Variants in GPHN observed in about 807,000 individuals in gnomAD.
GPHN encodes the protein gephyrin.
GPHN carries 17 observed loss-of-function variants against 95.5 expected under a neutral mutation model. The ratio of observed to expected loss-of-function variants is 0.18; its 90% CI spans 0.12 to 0.27. The LOEUF is 0.27. GPHN is among the 10% of genes least tolerant of loss of function. The pLI is 1.00. For synonymous variants in GPHN, 320 were observed against 322.5 expected, an observed-to-expected ratio of 0.99 and a Z score of 0.08; for missense variants, 660 against 978.1, an observed-to-expected ratio of 0.67 and a Z score of 4.34.
At chr14:67,221,631 T>A in the GPHN span, 2 of 1,161,926 alleles carry the variant, frequency 1.7e-6, no homozygotes, top group South Asian at 3.2e-5. Context: ...TGTTCTATAA[T>A]CAGCAATGGC....
At chr14:66,643,648 A>C (rs940658289) in intron 1 of GPHN, among the ~76,000 whole-genome samples, 4 of 151,994 alleles carry the variant, frequency 2.6e-5, no homozygotes, top group African/African-American at 9.7e-5. Flanking sequence ...GGTATGATTC[A>C]TTTTTATAAA....
the GPHN span, among the ~76,000 whole-genome samples, chr14:67,313,973 A>C: frequency 6.6e-6 from 1 of 151,056 alleles, no homozygotes; most frequent in South Asian, 2.1e-4. Context: ...ACAAACAAAA[A>C]TTAAAAAAAA....
intron 1 of GPHN, among the ~76,000 whole-genome samples, chr14:66,523,998 T>C (rs1237086809): frequency 6.6e-6 from 1 of 152,116 alleles, no homozygotes; most frequent in Non-Finnish European, 1.5e-5. Context: ...ATTTGTAGTG[T>C]AGTAACTAAC....
At chr14:66,978,177 A>G (rs1009087120) in intron 9 of GPHN, among the ~76,000 whole-genome samples, 4 of 152,228 alleles carry the variant, frequency 2.6e-5, no homozygotes, top group African/African-American at 7.2e-5. Context: ...TTGCTGGTAG[A>G]GGGTCTTGCC....
chr14:67,619,726 G>A, the GPHN span: 2 of 424,184 alleles, frequency 4.7e-6, no homozygotes, highest in Non-Finnish European at 8.5e-6. Flanking sequence ...TCCCTGGCCG[G>A]AGAGCACAGG....
At chr14:67,255,172 T>C in the GPHN span, among the ~76,000 whole-genome samples, 6 of 151,772 alleles carry the variant, frequency 4.0e-5, no homozygotes, top group African/African-American at 1.5e-4. Context: ...AGTTCGAATC[T>C]CTTATAATGC....
chr14:67,336,395 G>T, the GPHN span: 1 of 184,648 alleles, frequency 5.4e-6, no homozygotes, highest in Non-Finnish European at 1.1e-5. Flanking sequence ...TTGTTTTCTT[G>T]ATTTCTTTTT....
chr14:66,990,008 G>A (rs2071295863), intron 9 of GPHN, among the ~76,000 whole-genome samples: 1 of 152,078 alleles, frequency 6.6e-6, no homozygotes, highest in Non-Finnish European at 1.5e-5. Context: ...CTGAGACTGG[G>A]TAATTTATAA....
intron 2 of GPHN, among the ~76,000 whole-genome samples, chr14:66,707,525 G>A (rs1465687917): frequency 6.6e-6 from 1 of 152,188 alleles, no homozygotes; most frequent in East Asian, 1.9e-4. Flanking sequence ...GGACATGGGT[G>A]AAGCTGGAAG....
chr14:67,562,976 C>A, the GPHN span: 2 of 1,411,818 alleles, frequency 1.4e-6, no homozygotes, highest in Non-Finnish European at 1.9e-6. Flanking sequence ...ATGCACTGAG[C>A]AGGAGAGGAG....
intron 1 of GPHN, among the ~76,000 whole-genome samples, chr14:66,676,647 G>A (rs992605818): frequency 2.0e-5 from 3 of 148,644 alleles, no homozygotes; most frequent in African/African-American, 7.5e-5. Context: ...GCATACCTGG[G>A]ATAAATTCCA....
chr14:67,608,549 C>T, the GPHN span, among the ~76,000 whole-genome samples: 6 of 152,138 alleles, frequency 3.9e-5, no homozygotes, highest in Non-Finnish European at 7.3e-5. Context: ...AGGAGGGAGG[C>T]TTAGGGCTTC....
chr14:66,765,702 A>T (rs1448300007), intron 2 of GPHN, among the ~76,000 whole-genome samples: 1 of 151,996 alleles, frequency 6.6e-6, no homozygotes, highest in Non-Finnish European at 1.5e-5. Flanking sequence ...TGTACACCAA[A>T]CTCCCATGAC....
chr14:66,639,950 T>C (rs2064304430), intron 1 of GPHN, among the ~76,000 whole-genome samples: 1 of 152,122 alleles, frequency 6.6e-6, no homozygotes, highest in African/African-American at 2.4e-5. Context: ...TGGGTATTCA[T>C]TGGAGATTAG....
At chr14:67,332,055 A>G in the GPHN span, among the ~76,000 whole-genome samples, 1 of 152,224 alleles carries the variant, frequency 6.6e-6, no homozygotes, top group East Asian at 1.9e-4. Context: ...CTATGGGTCC[A>G]ATATAGTATT....
At chr14:67,733,711 A>T in the GPHN span, 1 of 1,420,304 alleles carries the variant, frequency 7.0e-7, no homozygotes, top group Non-Finnish European at 1.0e-6. Context: ...GCTAATTCTC[A>T]TTCCTGGAAT....
At chr14:66,737,368 G>A (rs2072390053) in intron 2 of GPHN, among the ~76,000 whole-genome samples, 1 of 152,136 alleles carries the variant, frequency 6.6e-6, no homozygotes, top group African/African-American at 2.4e-5. Flanking sequence ...TTTTGGGGTG[G>A]TGTGGATTCA....
At chr14:67,404,479 C>T in the GPHN span, among the ~76,000 whole-genome samples, 2 of 151,886 alleles carry the variant, frequency 1.3e-5, no homozygotes, top group Admixed American at 6.6e-5. Context: ...AAACAACAAA[C>T]CTCTAGTAGT....
the GPHN span, among the ~76,000 whole-genome samples, chr14:67,712,491 T>G: frequency 8.1e-5 from 2 of 24,822 alleles, no homozygotes; most frequent in Admixed American, 5.7e-4. Flanking sequence ...AGAAAAAACT[T>G]GCAAAAAAAA....
Sources: gnomAD v4.1 joint callset for allele counts (sites outside exome capture counted in the v4.1 genomes callset) on GRCh38, gnomAD v4.1.1 for gene constraint, MANE v1.5 for transcripts, NCBI Gene and HGNC (gene_info 2026-07-23, HGNC 2026-07-21) for gene names.